Variants in NEGR1 observed in about 807,000 individuals in gnomAD.
The protein encoded by NEGR1 is IgLON family member 4.
A neutral mutation model predicts 40.9 loss-of-function variants in NEGR1; 10 were observed. The ratio of observed to expected loss-of-function variants is 0.24; its 90% CI spans 0.15 to 0.42. The LOEUF is 0.42. Among genes scored for constraint, NEGR1 ranks in the 10% least tolerant of loss-of-function variants. NEGR1 has a pLI of 1.00. For missense variants in NEGR1, 352 were observed against 438.9 expected (o/e 0.80, Z 1.77); for synonymous variants, 185 against 166.8 (o/e 1.11, Z -0.84).
At chr1:71,415,905 T>C (rs1043443278) in intron 6 of NEGR1, among the ~76,000 whole-genome samples, 18 of 152,298 alleles carry the variant, frequency 1.2e-4, no homozygotes, top group Admixed American at 1.1e-3. Context: ...TTTTGGAGTG[T>C]GTATGTGGAT....
intron 6 of NEGR1, among the ~76,000 whole-genome samples, chr1:71,431,712 CAAAT>C (rs1369247296): frequency 6.6e-6 from 1 of 151,758 alleles, no homozygotes; most frequent in Non-Finnish European, 1.5e-5. Flanking sequence ...TTTGGGCAAA[CAAAT>C]AAACAAATAA....
At chr1:71,767,737 A>C (rs12731898) in intron 3 of NEGR1, among the ~76,000 whole-genome samples, 113,582 of 152,106 alleles carry the variant, frequency 0.75, 44,317 homozygotes, top group East Asian at 0.86. Context: ...AAGCTCATGG[A>C]AGCTCCTCCC....
intron 1 of NEGR1, among the ~76,000 whole-genome samples, chr1:72,183,094 T>C (rs750874459): frequency 1.2e-4 from 19 of 152,060 alleles, no homozygotes; most frequent in Non-Finnish European, 2.2e-4. Context: ...CTCCAGTACA[T>C]TGACTTAATG....
chr1:71,507,934 A>C (rs529729587), intron 6 of NEGR1, among the ~76,000 whole-genome samples: 207 of 152,302 alleles, frequency 1.4e-3, no homozygotes, highest in Non-Finnish European at 2.4e-3. Flanking sequence ...AGCACTCCTT[A>C]GGATTAGGAC....
chr1:71,923,780 G>A (rs1384387161), intron 2 of NEGR1, among the ~76,000 whole-genome samples: 1 of 152,122 alleles, frequency 6.6e-6, no homozygotes, highest in Non-Finnish European at 1.5e-5. Flanking sequence ...TCCTTCTTCA[G>A]CACATCAATC....
chr1:71,402,083 T>C lies in NEGR1; in HGVS notation c.*5363A>G, dbSNP rs993359899. 5.3e-5 allele frequency: 8 copies of C among 152,148 alleles called. No individual in the cohort carries two copies. Among genetic ancestry groups the C allele is most frequent in the African/African-American group, 1.9e-4 (8 of 41,444 alleles). 9.4% of individuals were successfully genotyped at this position (152,148 alleles called of 1,614,324 possible). ...AGCTAGCAATGTGATTATATGCTTTTCTTTTTCCTAGGTAGTCTGGGACTG... is the reference window on the plus strand; with the variant it reads ...AGCTAGCAATGTGATTATATGCTTTCCTTTTTCCTAGGTAGTCTGGGACTG... On this transcript the variant is annotated 3_prime_UTR_variant, in exon 7 of 7. Transcript: ENST00000357731.
chr1:71,663,650 C>A (rs1311392001), intron 4 of NEGR1, among the ~76,000 whole-genome samples: 1 of 152,128 alleles, frequency 6.6e-6, no homozygotes, highest in Admixed American at 6.5e-5. Context: ...TTCTGATAGT[C>A]TTTTACAATT....
At chr1:71,760,267 C>A (rs1166084123) in intron 3 of NEGR1, among the ~76,000 whole-genome samples, 1 of 152,106 alleles carries the variant, frequency 6.6e-6, no homozygotes, top group Non-Finnish European at 1.5e-5. Context: ...TTCATCATAT[C>A]AAGAGGCCCA....
intron 1 of NEGR1, among the ~76,000 whole-genome samples, chr1:71,978,721 G>T (rs1002600662): frequency 5.9e-5 from 9 of 152,094 alleles, no homozygotes; most frequent in African/African-American, 1.9e-4. Flanking sequence ...TAGCAAGGTT[G>T]CAGAGAAAAG....
At chr1:71,445,353 G>A (rs1004418778) in intron 6 of NEGR1, among the ~76,000 whole-genome samples, 7 of 151,068 alleles carry the variant, frequency 4.6e-5, no homozygotes, top group African/African-American at 1.7e-4. Context: ...TTAAAGCAAA[G>A]ATTGTAGATA....
chr1:71,448,524 A>T (rs1351021903), intron 6 of NEGR1, among the ~76,000 whole-genome samples: 1 of 152,170 alleles, frequency 6.6e-6, no homozygotes, highest in South Asian at 2.1e-4. Flanking sequence ...GCTTGAGCCC[A>T]GGAGGTGGAG....
chr1:72,043,798 A>G (rs1359712594), intron 1 of NEGR1, among the ~76,000 whole-genome samples: 2 of 151,828 alleles, frequency 1.3e-5, no homozygotes, highest in Non-Finnish European at 1.5e-5. Flanking sequence ...AGTACTGTGG[A>G]ATTCACCCTA....
intron 3 of NEGR1, among the ~76,000 whole-genome samples, chr1:71,716,217 G>T (rs1654271623): frequency 1.3e-5 from 2 of 151,988 alleles, no homozygotes; most frequent in Admixed American, 1.3e-4. Context: ...TAGCATGGGG[G>T]AAGCTACCCC....
chr1:72,201,308 T>C (rs913401537), intron 1 of NEGR1, among the ~76,000 whole-genome samples: 1 of 150,954 alleles, frequency 6.6e-6, no homozygotes, highest in South Asian at 2.1e-4. Context: ...ATAATTTTTT[T>C]ATATTTTATT....
intron 2 of NEGR1, among the ~76,000 whole-genome samples, chr1:71,905,357 T>C (rs1661248554): frequency 6.6e-6 from 1 of 152,014 alleles, no homozygotes; most frequent in African/African-American, 2.4e-5. Context: ...AATTTTATAT[T>C]TTTCTAATCT....
chr1:71,764,582 C>A (rs1477026220), intron 3 of NEGR1, among the ~76,000 whole-genome samples: 1 of 152,042 alleles, frequency 6.6e-6, no homozygotes, highest in Non-Finnish European at 1.5e-5. Flanking sequence ...GGCATTTGGC[C>A]CAGGAACTGC....
intron 2 of NEGR1, among the ~76,000 whole-genome samples, chr1:71,871,083 T>G (rs1660264791): frequency 6.6e-6 from 1 of 152,190 alleles, no homozygotes; most frequent in Non-Finnish European, 1.5e-5. Flanking sequence ...CGAGCAGAAG[T>G]TCTTCTCTGT....
At chr1:71,733,929 A>G (rs1327643526) in intron 3 of NEGR1, among the ~76,000 whole-genome samples, 2 of 152,200 alleles carry the variant, frequency 1.3e-5, no homozygotes, top group Non-Finnish European at 2.9e-5. Flanking sequence ...ACTTCTCAAC[A>G]TTGGAAACTA....
chr1:71,814,557 G>A (rs1012275554), intron 2 of NEGR1, among the ~76,000 whole-genome samples: 2 of 151,974 alleles, frequency 1.3e-5, no homozygotes, highest in Non-Finnish European at 2.9e-5. Context: ...TTTTATGGTT[G>A]GCAGGCTATT....
Sources: allele counts gnomAD v4.1 joint callset (sites outside exome capture counted in the v4.1 genomes callset), GRCh38; gene constraint gnomAD v4.1.1; transcripts MANE v1.5; gene names NCBI Gene and HGNC (gene_info 2026-07-23, HGNC 2026-07-21).